ANGEL2: variants seen among roughly 807,000 people sequenced by gnomAD.
ANGEL2 encodes the protein angel homolog 2.
A neutral mutation model predicts 66.0 loss-of-function variants in ANGEL2; 41 were observed. The ratio of observed to expected loss-of-function variants is 0.62; its 90% confidence interval spans 0.48 to 0.81. The LOEUF (loss-of-function observed/expected upper bound fraction) is 0.81, where lower values mean the gene tolerates loss of function less well. Among genes scored for constraint, ANGEL2 ranks in the 30% least tolerant of loss-of-function variants. ANGEL2 has a pLI of 0.00. For synonymous variants in ANGEL2, 208 were observed against 226.5 expected, an observed-to-expected ratio of 0.92 and a Z score of 0.73; for missense variants, 561 against 641.6, an observed-to-expected ratio of 0.87 and a Z score of 1.36.
At chr1:213,012,490 A>T (rs2076533307) in intron 2 of ANGEL2, among the ~76,000 whole-genome samples, 1 of 152,226 alleles carries the variant, frequency 6.6e-6, no homozygotes, top group East Asian at 1.9e-4. Context: ...AACACATTTT[A>T]AAAAACTGTT....
chr1:213,015,069 AAAT>A, intron 1 of ANGEL2: 1 of 962,422 alleles, frequency 1.0e-6, no homozygotes, highest in Non-Finnish European at 1.2e-6. Flanking sequence ...AATATCCAGT[AAAT>A]AATACACGTG....
chr1:213,011,588 G>T, intron 2 of ANGEL2: 1 of 446,410 alleles, frequency 2.2e-6, no homozygotes, highest in Non-Finnish European at 3.0e-6. Context: ...CCAACAGTGT[G>T]TTAGGCACTT....
Position 213,005,077 on chromosome 1 carries a change from T to C in ANGEL2, c.1090A>G (p.Ile364Val). The C allele has an allele frequency of 6.3e-7, 1 of 1,588,376 alleles. No homozygotes were observed. The highest frequency in any genetic ancestry group is 8.5e-7 in the Non-Finnish European group (1 of 1,170,706). Reference sequence around the variant, plus strand: ...TCATAATTCAATTTTCCTTCCTTTATGAAACTATATAGTGGAGAACCAGGA... The same window carrying C: ...TCATAATTCAATTTTCCTTCCTTTACGAAACTATATAGTGGAGAACCAGGA... ...SVPGSPLYSF[I>V]KEGKLNYEGL... is the part of the protein sequence containing the mutation. The change falls in exon 5 of 9, where the codon ATA (isoleucine) becomes GTA (valine). Residue 364 changes from isoleucine to valine, a missense_variant. Ile to Val is a conservative substitution (Grantham distance 29, BLOSUM62 3). Coordinates refer to ENST00000366962, the MANE Select transcript of ANGEL2 (RefSeq NM_144567.5).
At chr1:213,007,459 T>C (rs1411596759) in intron 3 of ANGEL2, among the ~76,000 whole-genome samples, 3 of 152,226 alleles carry the variant, frequency 2.0e-5, no homozygotes, top group Non-Finnish European at 4.4e-5. Flanking sequence ...GAAATATTCT[T>C]AGCTTACATG....
rs1346922551 is a variant in ANGEL2, at chr1:213,005,343, CG to C, written c.823del (p.Arg275AlafsTer14). On this transcript the variant is annotated frameshift_variant, in exon 5 of 9. Coordinates refer to ENST00000366962, the MANE Select transcript of ANGEL2 (RefSeq NM_144567.5). LOFTEE classifies it high-confidence loss of function. ...LLSVNPVEFF[R>X]PDISLLDRDN... ...TCTGTCCAACAGAGAAATATCAGGG[CG>C]GAAGAATTCCACTGGGTTCACTGAC... 3 of 1,614,012 alleles carry C rather than the reference CG, an allele frequency of 1.9e-6. No homozygotes were observed. The highest frequency in any genetic ancestry group is 1.3e-5 in the African/African-American group (1 of 74,900).
intron 8 of ANGEL2, among the ~76,000 whole-genome samples, chr1:212,996,636 A>ATATATATATATAT (rs1251072343): frequency 7.2e-5 from 3 of 41,944 alleles, no homozygotes; most frequent in Admixed American, 4.0e-4. Context: ...AAAAAAAAAA[A>ATATATATATATAT]AAAAATATAT....
chr1:213,009,072 A>G (rs1055756311), intron 2 of ANGEL2, among the ~76,000 whole-genome samples: 5 of 152,274 alleles, frequency 3.3e-5, no homozygotes, highest in African/African-American at 1.2e-4. Context: ...TAAATGTACA[A>G]CAAAGGAAAA....
In ANGEL2 at chr1:213,007,170, T is replaced by G; in HGVS notation, c.671A>C (p.Asp224Ala). ...DVLCLQEVQE[D>A]HYGAEIRPSL... ...TGGCCTGATCTCTGCTCCATAATGA[T>G]CTTCTTGAACTTCTTGCAAACAAAG... Residue 224 changes from aspartate (D) to alanine (A), a missense_variant, in exon 4 of 9, where the codon GAT (aspartate) becomes GCT (alanine). Transcript: ENST00000366962. 1 of 1,596,004 alleles carries G rather than the reference T, an allele frequency of 6.3e-7. No homozygotes were observed.
intron 5 of ANGEL2, among the ~76,000 whole-genome samples, chr1:213,004,483 CTTT>C (rs57722597): frequency 1.4e-5 from 2 of 145,342 alleles, no homozygotes; most frequent in African/African-American, 5.0e-5. Flanking sequence ...TCTGTCAATA[CTTT>C]TTTTTTTTTT....
At chr1:213,007,976 G>A (rs2076386346) in intron 3 of ANGEL2, among the ~76,000 whole-genome samples, 1 of 151,434 alleles carries the variant, frequency 6.6e-6, no homozygotes, top group Non-Finnish European at 1.5e-5. Flanking sequence ...TGATTCTCCT[G>A]CCTCAGCCTC....
intron 3 of ANGEL2, among the ~76,000 whole-genome samples, chr1:213,007,704 G>C (rs2076375127): frequency 6.6e-6 from 1 of 152,116 alleles, no homozygotes; most frequent in Non-Finnish European, 1.5e-5. Flanking sequence ...ATTCATACCA[G>C]CAACCACTAA....
chr1:213,000,254 G>T, intron 7 of ANGEL2, 72 bp downstream of exon 7: 1 of 1,408,110 alleles, frequency 7.1e-7, no homozygotes, highest in Non-Finnish European at 1.0e-6. Flanking sequence ...TTTTATCCAA[G>T]TGATTTTTGA....
At chr1:213,014,716 A>G (rs1016026118) in intron 1 of ANGEL2, among the ~76,000 whole-genome samples, 2 of 152,214 alleles carry the variant, frequency 1.3e-5, no homozygotes, top group Admixed American at 6.5e-5. Flanking sequence ...TATCTTCACA[A>G]GTGCCTAGCA....
At chr1:213,015,085 A>C in intron 1 of ANGEL2, 1 of 980,758 alleles carries the variant, frequency 1.0e-6, no homozygotes, top group Non-Finnish European at 1.2e-6. Flanking sequence ...TACACGTGAA[A>C]CAAGAACTTG....
chr1:212,999,504 T>A (rs1285029605), intron 7 of ANGEL2, among the ~76,000 whole-genome samples: 1 of 152,232 alleles, frequency 6.6e-6, no homozygotes, highest in African/African-American at 2.4e-5. Flanking sequence ...TACTAGTTCT[T>A]ATTTATGTAG....
intron 8 of ANGEL2, 64 bp downstream of exon 8, chr1:212,997,091 T>C (rs2076045190): frequency 6.9e-7 from 1 of 1,447,830 alleles, no homozygotes; most frequent in East Asian, 2.3e-5. Context: ...CTTTCTTAAC[T>C]TTAACCTTGA....
intron 1 of ANGEL2, chr1:213,015,298 G>A: frequency 3.9e-6 from 5 of 1,285,730 alleles, no homozygotes; most frequent in Middle Eastern, 3.0e-4. Context: ...GCAGGCCAGC[G>A]CTGGTCTGGA....
chr1:213,009,271 GAT>G (rs1491338604), intron 2 of ANGEL2, among the ~76,000 whole-genome samples: 2 of 152,176 alleles, frequency 1.3e-5, no homozygotes, highest in African/African-American at 2.4e-5. Flanking sequence ...CCGTGTGTGT[GAT>G]GTGTGTGTGT....
intron 1 of ANGEL2, chr1:213,015,381 G>A (rs1389267172): frequency 7.8e-6 from 11 of 1,411,902 alleles, no homozygotes; most frequent in Non-Finnish European, 1.0e-5. Context: ...CATGAACTCC[G>A]CGCCAAGACC....
Sources: allele counts gnomAD v4.1 joint callset (sites outside exome capture counted in the v4.1 genomes callset), GRCh38; gene constraint gnomAD v4.1.1; transcripts MANE v1.5; gene names NCBI Gene and HGNC (gene_info 2026-07-23, HGNC 2026-07-21).